Variants in NHERF1 observed in about 807,000 individuals in gnomAD.
NHERF1 encodes NHERF family PDZ scaffold protein 1, also known as Na(+)/H(+) exchange regulatory cofactor NHE-RF1.
chr17:74,764,414 C>G, the NHERF1 span, among the ~76,000 whole-genome samples: 1 of 152,198 alleles, frequency 6.6e-6, no homozygotes, highest in Non-Finnish European at 1.5e-5. This position sits in a 1 kb window ranked among gnomAD's most constrained non-coding sequence, Gnocchi z 4.9. Context: ...CCCTGGAAGT[C>G]CCTAGCTGGC....
At chr17:74,754,397 TTC>T in the NHERF1 span, among the ~76,000 whole-genome samples, 58 of 129,522 alleles carry the variant, frequency 4.5e-4, 1 homozygote, top group African/African-American at 1.7e-3. Context: ...CTTTCTTTCT[TTC>T]TTTTTTTTTT....
At chr17:74,760,188 C>T in the NHERF1 span, among the ~76,000 whole-genome samples, 1 of 152,094 alleles carries the variant, frequency 6.6e-6, no homozygotes, top group Admixed American at 6.6e-5. This position sits in a 1 kb window ranked among gnomAD's most constrained non-coding sequence, Gnocchi z 4.5. Flanking sequence ...TCACTTACTC[C>T]CGGAACAAGA....
chr17:74,758,562 C>T, the NHERF1 span, among the ~76,000 whole-genome samples: 1 of 152,186 alleles, frequency 6.6e-6, no homozygotes, highest in African/African-American at 2.4e-5. The surrounding 1 kb of genome is among the most constrained non-coding windows in gnomAD (Gnocchi z 4.3). Context: ...GAACTTGGGT[C>T]TCCCAGGCTG....
the NHERF1 span, chr17:74,748,772 G>A: frequency 0.027 from 36,179 of 1,335,408 alleles, 638 homozygotes; most frequent in Non-Finnish European, 0.032. The surrounding 1 kb of genome is among the most constrained non-coding windows in gnomAD (Gnocchi z 4.3). Flanking sequence ...TCGCTGGACG[G>A]GAAGAAGGGC....
At chr17:74,766,906 G>T in the NHERF1 span, 1 of 1,612,658 alleles carries the variant, frequency 6.2e-7, no homozygotes, top group Non-Finnish European at 8.5e-7. Context: ...TCCCCGTTCT[G>T]GACTCACCTC....
the NHERF1 span, chr17:74,762,108 C>T: frequency 2.0e-4 from 330 of 1,614,174 alleles, no homozygotes; most frequent in Middle Eastern, 1.3e-3. The surrounding 1 kb of genome is among the most constrained non-coding windows in gnomAD (Gnocchi z 4.2). Flanking sequence ...CCAGTTCATC[C>T]GGTCAGTGGA....
At chr17:74,750,538 A>C in the NHERF1 span, among the ~76,000 whole-genome samples, 2 of 152,138 alleles carry the variant, frequency 1.3e-5, no homozygotes, top group Non-Finnish European at 2.9e-5. Flanking sequence ...GGTGCTGGGA[A>C]TGCCAGGGCC....
chr17:74,766,897 C>A, the NHERF1 span: 2 of 1,608,414 alleles, frequency 1.2e-6, no homozygotes, highest in African/African-American at 1.3e-5. Flanking sequence ...TCTATTCCAT[C>A]CCCGTTCTGG....
At chr17:74,768,283 T>C in the NHERF1 span, 1 of 1,466,760 alleles carries the variant, frequency 6.8e-7, no homozygotes. Flanking sequence ...AGGAAGCCGA[T>C]TCCCAGGCCC....
At chr17:74,748,653 T>G in the NHERF1 span, 11 of 561,454 alleles carry the variant, frequency 2.0e-5, no homozygotes, top group Non-Finnish European at 3.4e-5. This position sits in a 1 kb window ranked among gnomAD's most constrained non-coding sequence, Gnocchi z 4.3. Context: ...CGGGGATTGG[T>G]CTGTGGTCCT....
chr17:74,768,563 C>T, the NHERF1 span: 16 of 1,614,146 alleles, frequency 9.9e-6, no homozygotes, highest in East Asian at 3.3e-4. Flanking sequence ...TCTCCCTGGC[C>T]ATGGCCAAAG....
At chr17:74,759,910 C>A in the NHERF1 span, among the ~76,000 whole-genome samples, 1 of 152,198 alleles carries the variant, frequency 6.6e-6, no homozygotes, top group Non-Finnish European at 1.5e-5. Flanking sequence ...ATCTCAAAAA[C>A]AGCTGACAAG....
chr17:74,752,705 G>C, the NHERF1 span, among the ~76,000 whole-genome samples: 1 of 152,144 alleles, frequency 6.6e-6, no homozygotes, highest in Non-Finnish European at 1.5e-5. Context: ...TGTTGCCCAG[G>C]CTGGTCTTGA....
chr17:74,768,218 C>T, the NHERF1 span: 3 of 1,612,940 alleles, frequency 1.9e-6, no homozygotes, highest in South Asian at 2.2e-5. Context: ...GATCCGCCTC[C>T]AGTGACACCA....
At chr17:74,754,529 T>C in the NHERF1 span, among the ~76,000 whole-genome samples, 1 of 151,392 alleles carries the variant, frequency 6.6e-6, no homozygotes, top group Non-Finnish European at 1.5e-5. Context: ...CAGCCTTCCA[T>C]GTAGCTAGGA....
chr17:74,760,163 T>C, the NHERF1 span, among the ~76,000 whole-genome samples: 1 of 152,014 alleles, frequency 6.6e-6, no homozygotes, highest in South Asian at 2.1e-4. This position sits in a 1 kb window ranked among gnomAD's most constrained non-coding sequence, Gnocchi z 4.5. Flanking sequence ...GGATTAGCTC[T>C]AGGGGAGAAG....
At chr17:74,750,312 T>C in the NHERF1 span, among the ~76,000 whole-genome samples, 7 of 152,022 alleles carry the variant, frequency 4.6e-5, no homozygotes, top group Non-Finnish European at 1.0e-4. Context: ...GAGTGGTGCA[T>C]TGTGTAGGGC....
At chr17:74,766,797 G>C in the NHERF1 span, 1 of 819,040 alleles carries the variant, frequency 1.2e-6, no homozygotes, top group Non-Finnish European at 2.1e-6. Flanking sequence ...TGTATTCATG[G>C]TGGGTGGTAG....
chr17:74,748,838 C>G, the NHERF1 span: 1 of 1,587,594 alleles, frequency 6.3e-7, no homozygotes. This position sits in a 1 kb window ranked among gnomAD's most constrained non-coding sequence, Gnocchi z 4.3. Context: ...TGACCCGTCG[C>G]AGGGCGAGAT....
Sources: allele counts gnomAD v4.1 joint callset (sites outside exome capture counted in the v4.1 genomes callset), GRCh38; gene constraint gnomAD v4.1.1; non-coding constraint Gnocchi (gnomAD v3.1); transcripts MANE v1.5; gene names NCBI Gene and HGNC (gene_info 2026-07-23, HGNC 2026-07-21).